The following NSMCE2 variants were observed in gnomAD, a reference collection of about 807,000 sequenced individuals.
NSMCE2 encodes the protein E3 SUMO-protein ligase NSE2.
A neutral mutation model predicts 23.8 loss-of-function variants in NSMCE2; 24 were observed. The observed-to-expected ratio is 1.01, with a 90% CI of 0.73 to 1.42. The LOEUF (loss-of-function observed/expected upper bound fraction) is 1.42, where lower values mean the gene tolerates loss of function less well. Ranked by LOEUF, NSMCE2 falls within the 40% of genes most tolerant of loss-of-function variation. The probability of loss-of-function intolerance (pLI) is 0.00; values close to 1 mark genes in which losing one functional copy is unlikely to be tolerated. For synonymous variants in NSMCE2, 92 were observed against 94.1 expected, an observed-to-expected ratio of 0.98 and a Z score of 0.13; for missense variants, 284 against 296.5, an observed-to-expected ratio of 0.96 and a Z score of 0.31.
At chr8:125,102,575 G>A in intron 3 of NSMCE2, 88 bp downstream of exon 3, 1 of 1,045,978 alleles carries the variant, frequency 9.6e-7, no homozygotes, top group Admixed American at 1.9e-5. Context: ...GAGTATCCTT[G>A]GGGGAATGAT....
chr8:125,110,790 G>T (rs1818704252), intron 3 of NSMCE2, among the ~76,000 whole-genome samples: 1 of 131,044 alleles, frequency 7.6e-6, no homozygotes, highest in Admixed American at 7.8e-5. Context: ...TTTTTTTGAG[G>T]ATAATGTTAT....
chr8:125,233,018 C>A (rs761065379), intron 5 of NSMCE2, among the ~76,000 whole-genome samples: 6 of 152,170 alleles, frequency 3.9e-5, no homozygotes, highest in African/African-American at 1.4e-4. Flanking sequence ...GGCTTAGTTA[C>A]GCAATTGCCG....
intron 5 of NSMCE2, among the ~76,000 whole-genome samples, chr8:125,356,012 T>C (rs1813258921): frequency 6.6e-6 from 1 of 152,088 alleles, no homozygotes; most frequent in African/African-American, 2.4e-5. Flanking sequence ...GTCCATAAGG[T>C]CAAAACTGTC....
At chr8:125,115,242 A>G (rs1220422274) in intron 3 of NSMCE2, among the ~76,000 whole-genome samples, 1 of 152,190 alleles carries the variant, frequency 6.6e-6, no homozygotes, top group East Asian at 1.9e-4. Context: ...GACCCTCCCC[A>G]ACAGCTGGAG....
intron 5 of NSMCE2, among the ~76,000 whole-genome samples, chr8:125,317,201 T>G (rs1217489270): frequency 6.6e-6 from 1 of 151,516 alleles, no homozygotes; most frequent in Non-Finnish European, 1.5e-5. Context: ...TAAAGATCTT[T>G]TTTTTTTTTT....
At chr8:125,091,983 A>C (rs555648659) in intron 1 of NSMCE2, 25 bp downstream of exon 1, 1 of 152,366 alleles carries the variant, frequency 6.6e-6, no homozygotes, top group Non-Finnish European at 1.5e-5. Flanking sequence ...GGGGACGGCA[A>C]TGGGGAGGGT....
At chr8:125,148,502 T>C (rs1820809691) in intron 3 of NSMCE2, among the ~76,000 whole-genome samples, 1 of 152,224 alleles carries the variant, frequency 6.6e-6, no homozygotes, top group East Asian at 1.9e-4. Flanking sequence ...TTTCCACTGA[T>C]TTAAGCCCCT....
At chr8:125,246,503 C>G (rs1825969094) in intron 5 of NSMCE2, among the ~76,000 whole-genome samples, 1 of 151,936 alleles carries the variant, frequency 6.6e-6, no homozygotes, top group African/African-American at 2.4e-5. Context: ...TCTTAAATGA[C>G]CAAAATGAGC....
chr8:125,282,438 G>A (rs961874481), intron 5 of NSMCE2, among the ~76,000 whole-genome samples: 2 of 152,246 alleles, frequency 1.3e-5, no homozygotes, highest in South Asian at 2.1e-4. Flanking sequence ...TTAAATATTA[G>A]CTATTGATTG....
chr8:125,115,881 T>C (rs2130459681), intron 3 of NSMCE2, among the ~76,000 whole-genome samples: 1 of 152,310 alleles, frequency 6.6e-6, no homozygotes, highest in East Asian at 1.9e-4. Flanking sequence ...TAGGCAAGTA[T>C]GAAATAAAGG....
chr8:125,293,107 A>T (rs747381638), intron 5 of NSMCE2, among the ~76,000 whole-genome samples: 25 of 152,308 alleles, frequency 1.6e-4, no homozygotes, highest in Non-Finnish European at 3.2e-4. Context: ...TGCAAATTTA[A>T]TTATACAACA....
chr8:125,279,180 A>G (rs1241403539), intron 5 of NSMCE2, among the ~76,000 whole-genome samples: 4 of 152,198 alleles, frequency 2.6e-5, no homozygotes, highest in Non-Finnish European at 5.9e-5. Context: ...TCGGATAAAT[A>G]TTTTGATAGA....
intron 4 of NSMCE2, among the ~76,000 whole-genome samples, chr8:125,166,431 T>G (rs1412236196): frequency 6.6e-6 from 1 of 152,114 alleles, no homozygotes. Flanking sequence ...CACACCTGGC[T>G]AATTTTTATA....
intron 5 of NSMCE2, among the ~76,000 whole-genome samples, chr8:125,256,922 C>CAAAAAAAAAAAA (rs60308659): frequency 2.7e-4 from 7 of 26,064 alleles, no homozygotes; most frequent in African/African-American, 7.7e-4. Flanking sequence ...GACTCTGTGT[C>CAAAAAAAAAAAA]AAAAAAAAAA....
intron 4 of NSMCE2, chr8:125,156,116 T>TAAA: frequency 3.9e-6 from 1 of 258,166 alleles, no homozygotes. Flanking sequence ...TCCATCTCTT[T>TAAA]AAAAAAAAAA....
intron 4 of NSMCE2, among the ~76,000 whole-genome samples, chr8:125,167,527 C>T (rs1018005844): frequency 5.3e-5 from 8 of 151,376 alleles, no homozygotes; most frequent in Non-Finnish European, 1.0e-4. Flanking sequence ...TAGCTGGGTT[C>T]GGGAGGCTGA....
At chr8:125,138,786 C>G (rs1377249927) in intron 3 of NSMCE2, among the ~76,000 whole-genome samples, 1 of 152,122 alleles carries the variant, frequency 6.6e-6, no homozygotes, top group African/African-American at 2.4e-5. Flanking sequence ...ACCTTCAGAT[C>G]TTTGAAGCAC....
chr8:125,304,792 C>A lies in NSMCE2; in HGVS notation c.419-52427C>A, dbSNP rs147356949. Among the ~76,000 whole-genome samples, 174 of 150,098 alleles carry A rather than the reference C, an allele frequency of 1.2e-3. 1 individual carries two copies. The highest frequency in any genetic ancestry group is 4.0e-3 in the African/African-American group (165 of 40,890). On this transcript the variant is annotated intron_variant, in intron 5 of 7. Coordinates refer to ENST00000287437, the MANE Select transcript of NSMCE2 (RefSeq NM_173685.4). ...AGTCTCATCACTGATTCTCATCAAG[C>A]GATGAGAATCGCTTGAACCCTGGAG...
At chr8:125,259,738 T>C (rs1198389496) in intron 5 of NSMCE2, among the ~76,000 whole-genome samples, 1 of 152,246 alleles carries the variant, frequency 6.6e-6, no homozygotes, top group Admixed American at 6.5e-5. Flanking sequence ...TTTATATGGC[T>C]TTATGTTTAT....
Sources: allele counts gnomAD v4.1 joint callset (sites outside exome capture counted in the v4.1 genomes callset), GRCh38; gene constraint gnomAD v4.1.1; transcripts MANE v1.5; gene names NCBI Gene and HGNC (gene_info 2026-07-23, HGNC 2026-07-21).